The following INTS6 variants were observed in gnomAD, a reference collection of about 807,000 sequenced individuals.
INTS6 encodes DEAD box protein.
INTS6 carries 16 observed loss-of-function variants against 104.9 expected under a neutral mutation model. That is an observed-to-expected ratio of 0.15 (90% confidence interval 0.10 to 0.23). INTS6 has a LOEUF of 0.23. Ranked by LOEUF, INTS6 falls within the 10% of genes least tolerant of loss-of-function variation. The pLI is 1.00. For synonymous variants in INTS6, 324 were observed against 358.7 expected (o/e 0.90, Z 1.09); for missense variants, 584 against 1,062.8 (o/e 0.55, Z 6.26).
At chr13:51,397,815 C>CCACACA (rs138888033) in intron 4 of INTS6, among the ~76,000 whole-genome samples, 2 of 149,984 alleles carry the variant, frequency 1.3e-5, no homozygotes, top group East Asian at 3.9e-4. Flanking sequence ...ACTGCGCGGA[C>CCACACA]CACACACACA....
At chr13:51,407,707 T>C (rs1593720610) in intron 4 of INTS6, among the ~76,000 whole-genome samples, 2 of 151,994 alleles carry the variant, frequency 1.3e-5, no homozygotes, top group African/African-American at 4.8e-5. Context: ...CAAAACTAAG[T>C]TCCAAATAGA....
intron 3 of INTS6, among the ~76,000 whole-genome samples, chr13:51,432,855 A>G (rs544034275): frequency 9.2e-5 from 14 of 152,326 alleles, no homozygotes; most frequent in Middle Eastern, 3.4e-3. Flanking sequence ...GTTACTATTA[A>G]GTGTATGATA....
the INTS6 span, among the ~76,000 whole-genome samples, chr13:51,341,773 T>C: frequency 9.2e-5 from 14 of 152,194 alleles, no homozygotes; most frequent in Non-Finnish European, 1.6e-4. Flanking sequence ...TTGAGGATGA[T>C]AATTTTATTA....
At position 51,452,549 on chromosome 13, in the gene INTS6, C is replaced by A; in HGVS notation, c.-24G>T. 1 of 1,607,252 alleles carries A rather than the reference C, an allele frequency of 6.2e-7. No homozygotes were observed. The highest frequency in any genetic ancestry group is 8.5e-7 in the Non-Finnish European group (1 of 1,176,086). ...ATAGTGCTGGCCGGGGACACCGGGG[C>A]CCGAGGTGGTGGAGAAAGAGGAGAT... On this transcript the variant is annotated 5_prime_UTR_variant, in exon 1 of 18. Transcript: ENST00000311234. This position sits in a 1 kb window ranked among gnomAD's most constrained non-coding sequence, Gnocchi z 4.2.
the INTS6 span, chr13:51,348,556 A>G: frequency 1.6e-6 from 1 of 642,194 alleles, no homozygotes; most frequent in South Asian, 2.0e-5. Context: ...TTAGACCAAG[A>G]GGAAGTGACC....
At chr13:51,347,240 C>T in the INTS6 span, 578 of 1,612,384 alleles carry the variant, frequency 3.6e-4, no homozygotes, top group Non-Finnish European at 4.7e-4. Flanking sequence ...CTACGGTGAG[C>T]TCTGCCCCTG....
downstream of INTS6, among the ~76,000 whole-genome samples, chr13:51,352,440 C>T (rs148944856): frequency 6.6e-6 from 1 of 151,134 alleles, no homozygotes; most frequent in Non-Finnish European, 1.5e-5. Context: ...GTATGCTGTA[C>T]CTTACTGAAC....
At chr13:51,345,313 C>T in the INTS6 span, among the ~76,000 whole-genome samples, 1 of 152,142 alleles carries the variant, frequency 6.6e-6, no homozygotes, top group Non-Finnish European at 1.5e-5. Context: ...ATGTGGAGAA[C>T]ATTCAAGACC....
In INTS6 at chr13:51,367,877, A is replaced by G. The variant is rs777140052; in HGVS notation, c.2498T>C (p.Leu833Ser). Residue 833 changes from leucine to serine, a missense_variant, in exon 17 of 18, where the codon TTA becomes TCA. Leu to Ser is a moderately radical substitution (Grantham distance 145). Coordinates refer to ENST00000311234, the MANE Select transcript of INTS6 (RefSeq NM_012141.3). ...TAAACTGCCTTGCACATGCTTCAGT[A>G]AAGTGAAGATTCTTTCATATTCTTA... ...PGRKYERIFT[L>S]LKHVQGSLQT... 2.2e-5 allele frequency: 35 copies of G among 1,581,402 alleles called. No individual in the cohort carries two copies. The highest frequency in any genetic ancestry group is 1.7e-4 in the Middle Eastern group (1 of 5,966).
At chr13:51,402,017 A>G (rs1320126733) in intron 4 of INTS6, among the ~76,000 whole-genome samples, 2 of 152,202 alleles carry the variant, frequency 1.3e-5, no homozygotes, top group South Asian at 2.1e-4. Flanking sequence ...TAATTAATAC[A>G]TCTTATAAAC....
chr13:51,360,117 C>T (rs1221389563), downstream of INTS6, among the ~76,000 whole-genome samples: 2 of 152,052 alleles, frequency 1.3e-5, no homozygotes, highest in Non-Finnish European at 2.9e-5. Flanking sequence ...TGGTTTTATT[C>T]TCTCATGGCA....
chr13:51,434,993 C>T (rs1184441041), intron 3 of INTS6, among the ~76,000 whole-genome samples: 1 of 152,026 alleles, frequency 6.6e-6, no homozygotes, highest in Non-Finnish European at 1.5e-5. Flanking sequence ...TATTTAAGAG[C>T]AATTATTTTA....
At chr13:51,336,242 C>T in the INTS6 span, among the ~76,000 whole-genome samples, 1 of 152,160 alleles carries the variant, frequency 6.6e-6, no homozygotes, top group Non-Finnish European at 1.5e-5. Context: ...AATCCCAGCA[C>T]TTTGGGAGAC....
rs763139113 is a variant in INTS6, at chr13:51,362,035, T to G, written c.*3717A>C. Reference sequence around the variant, plus strand: ...TGCTTCAGAAGCTACCCAGTTGCTATCTTCTATCCTAAGAAAGGGGACTAT... The same window carrying G: ...TGCTTCAGAAGCTACCCAGTTGCTAGCTTCTATCCTAAGAAAGGGGACTAT... On this transcript the variant is annotated 3_prime_UTR_variant, in exon 18 of 18. Transcript: ENST00000311234. 1 of 1,591,840 alleles carries G rather than the reference T, an allele frequency of 6.3e-7. No homozygotes were observed. Among genetic ancestry groups the G allele is most frequent in the Admixed American group, 1.9e-5 (1 of 53,182 alleles).
At chr13:51,389,570 T>C in intron 5 of INTS6, 126 bp from the exon 6 acceptor site, 1 of 844,496 alleles carries the variant, frequency 1.2e-6, no homozygotes, top group South Asian at 3.4e-5. Context: ...TAACAAAAGT[T>C]CAATGGTAAA....
Position 51,452,812 on chromosome 13 carries a change from C to T in INTS6, c.-287G>A. 1.7e-6 allele frequency: 2 copies of T among 1,177,374 alleles called. No individual in the cohort carries two copies. Among genetic ancestry groups the T allele is most frequent in the East Asian group, 6.9e-5 (1 of 14,536 alleles). The allele number at this position is 1,177,374 out of a possible 1,614,324, so 72.9% of individuals were successfully genotyped here. On this transcript the variant is annotated 5_prime_UTR_variant, in exon 1 of 18. Transcript: ENST00000311234. This position sits in a 1 kb window ranked among gnomAD's most constrained non-coding sequence, Gnocchi z 4.2. Reference sequence around the variant, plus strand: ...CGTCTGTCTGTCGGTTCGTCCCCCCCGCCTCGGGGGTCCCGTCCCCGCTCC... The same window carrying T: ...CGTCTGTCTGTCGGTTCGTCCCCCCTGCCTCGGGGGTCCCGTCCCCGCTCC...
At chr13:51,347,267 G>C in the INTS6 span, 1 of 1,594,578 alleles carries the variant, frequency 6.3e-7, no homozygotes, top group Admixed American at 1.7e-5. Context: ...TGTCTAAAGG[G>C]AGAGGAAGCC....
At chr13:51,348,476 C>T in the INTS6 span, 2 of 1,391,608 alleles carry the variant, frequency 1.4e-6, no homozygotes, top group Non-Finnish European at 2.0e-6. Context: ...TGGATTTGCA[C>T]ACAGGTGGTC....
At chr13:51,343,652 G>A in the INTS6 span, among the ~76,000 whole-genome samples, 3 of 152,216 alleles carry the variant, frequency 2.0e-5, no homozygotes, top group Admixed American at 6.5e-5. Flanking sequence ...GGAAACGGGG[G>A]ATGGGAGGAG....
Sources: gnomAD v4.1 joint callset for allele counts (sites outside exome capture counted in the v4.1 genomes callset) on GRCh38, gnomAD v4.1.1 for gene constraint, Gnocchi (gnomAD v3.1) non-coding constraint, MANE v1.5 for transcripts, NCBI Gene and HGNC (gene_info 2026-07-23, HGNC 2026-07-21) for gene names.